ZSWIM5: variants seen among roughly 807,000 people sequenced by gnomAD.
ZSWIM5 encodes the protein zinc finger SWIM-type containing 5.
Under a neutral mutation model 119.6 loss-of-function variants are expected in ZSWIM5, and 55 were observed. That is an observed-to-expected ratio of 0.46 (90% CI 0.37 to 0.58). The LOEUF (loss-of-function observed/expected upper bound fraction) is 0.58, where lower values mean the gene tolerates loss of function less well. Ranked by LOEUF, ZSWIM5 falls within the 20% of genes least tolerant of loss-of-function variation. The pLI is 0.00. For missense variants in ZSWIM5, 1,193 were observed against 1,512.8 expected (o/e 0.79, Z 3.51); for synonymous variants, 537 against 606.9 (o/e 0.88, Z 1.69).
chr1:45,198,579 C>T (rs1372664769), intron 1 of ZSWIM5, among the ~76,000 whole-genome samples: 7 of 151,894 alleles, frequency 4.6e-5, no homozygotes, highest in African/African-American at 1.7e-4. Context: ...TCCACCACAA[C>T]AATGTTCCTG....
chr1:45,198,467 G>T (rs1646138723), intron 1 of ZSWIM5, among the ~76,000 whole-genome samples: 1 of 152,100 alleles, frequency 6.6e-6, no homozygotes, highest in African/African-American at 2.4e-5. Context: ...CTTTCCGGAG[G>T]GACAAAGAAT....
chr1:45,073,008 G>A (rs940957794), intron 2 of ZSWIM5, among the ~76,000 whole-genome samples: 1 of 151,928 alleles, frequency 6.6e-6, no homozygotes, highest in Non-Finnish European at 1.5e-5. Context: ...TCTGTAGATT[G>A]AGTAGTATGA....
chr1:45,190,774 A>C (rs566016553), intron 1 of ZSWIM5, among the ~76,000 whole-genome samples: 37 of 152,234 alleles, frequency 2.4e-4, no homozygotes, highest in African/African-American at 8.4e-4. Context: ...CTAGGGATCA[A>C]CATCTGTGAA....
intron 2 of ZSWIM5, among the ~76,000 whole-genome samples, chr1:45,079,651 C>T (rs979208013): frequency 3.3e-5 from 5 of 151,776 alleles, no homozygotes; most frequent in African/African-American, 1.2e-4. Context: ...AGACAAAGTC[C>T]CCTTTGCTTT....
chr1:45,068,575 G>A (rs773662816), intron 2 of ZSWIM5, among the ~76,000 whole-genome samples: 16 of 151,674 alleles, frequency 1.1e-4, no homozygotes, highest in Non-Finnish European at 1.9e-4. Flanking sequence ...AGGACATGAA[G>A]GTGTTCTCTT....
intron 1 of ZSWIM5, among the ~76,000 whole-genome samples, chr1:45,120,948 C>T (rs1645587504): frequency 6.6e-6 from 1 of 151,934 alleles, no homozygotes; most frequent in African/African-American, 2.4e-5. Context: ...GATCCTATCA[C>T]TTTTCATCTT....
intron 1 of ZSWIM5, among the ~76,000 whole-genome samples, chr1:45,158,240 C>T (rs1570161803): frequency 1.3e-5 from 2 of 152,144 alleles, no homozygotes; most frequent in Non-Finnish European, 2.9e-5. Flanking sequence ...TCTCGGCTTG[C>T]TCACTGCAAC....
At chr1:45,039,821 C>T (rs2148993185) in intron 7 of ZSWIM5, among the ~76,000 whole-genome samples, 1 of 152,210 alleles carries the variant, frequency 6.6e-6, no homozygotes, top group East Asian at 1.9e-4. Context: ...TCTTCTGCCT[C>T]AGCCTCCCAA....
At chr1:45,156,736 AAAG>A (rs990246036) in intron 1 of ZSWIM5, among the ~76,000 whole-genome samples, 2 of 151,644 alleles carry the variant, frequency 1.3e-5, no homozygotes, top group African/African-American at 4.9e-5. Context: ...AAAAAAAAAA[AAAG>A]AACACACTGC....
intron 1 of ZSWIM5, among the ~76,000 whole-genome samples, chr1:45,193,593 T>C (rs1390960593): frequency 2.6e-5 from 4 of 152,056 alleles, no homozygotes; most frequent in Non-Finnish European, 5.9e-5. Context: ...AATCATGAGG[T>C]CACTAGCGAC....
chr1:45,057,808 G>A lies in ZSWIM5; in HGVS notation c.1252+801C>T, dbSNP rs1226604175. ...CACAGAGGACTGCCTTGATGAGGGA[G>A]AACCTAGAACAGTGAGGCCATTAGA... On this transcript the variant is annotated intron_variant, in intron 4 of 13. Coordinates refer to ENST00000359600, the MANE Select transcript of ZSWIM5 (RefSeq NM_020883.2). This position sits in a 1 kb window ranked among gnomAD's most constrained non-coding sequence, Gnocchi z 4.7. Among the ~76,000 whole-genome samples the A allele has an allele frequency of 1.3e-5, 2 of 152,166 alleles. No homozygotes were observed. Among genetic ancestry groups the A allele is most frequent in the Non-Finnish European group, 2.9e-5 (2 of 68,026 alleles).
At position 45,019,355 on chromosome 1, in the gene ZSWIM5, G is replaced by T; in HGVS notation, c.2696-39C>A. 1 of 1,582,140 alleles carries T rather than the reference G, an allele frequency of 6.3e-7. No individual in the cohort carries two copies. Among genetic ancestry groups the T allele is most frequent in the Non-Finnish European group, 8.6e-7 (1 of 1,167,852 alleles). On this transcript the variant is annotated intron_variant, in intron 13 of 13. Coordinates refer to ENST00000359600, the MANE Select transcript of ZSWIM5 (RefSeq NM_020883.2). The surrounding 1 kb of genome is among the most constrained non-coding windows in gnomAD (Gnocchi z 5.0). ...CCTGAGCTCAGCCGTGGCCATCTGG[G>T]TCCTGATTCAGGTCTACCCAGATTA...
rs774739657 is a variant in ZSWIM5 at position 45,018,893 on chromosome 1, T to C, written c.3119A>G (p.Asn1040Ser). Residue 1040 changes from asparagine (N) to serine (S), a missense_variant, in exon 14 of 14, where the codon AAT (asparagine) becomes AGT (serine). Asn to Ser is a conservative substitution (Grantham distance 46). This residue lies in a region of ZSWIM5 where 961 missense variants were observed against 1,290.0 expected (regional missense o/e 0.74). Transcript: ENST00000359600. This position sits in a 1 kb window ranked among gnomAD's most constrained non-coding sequence, Gnocchi z 6.7. ...AYNQDTHPAI[N>S]DVLWACALSH... ...GAGAGCACAAGCCCAGAGCACATCA[T>C]TGATGGCTGGGTGAGTATCCTGGTT... The C allele has an allele frequency of 1.8e-5, 29 of 1,614,094 alleles. No individual in the cohort carries two copies. Among genetic ancestry groups the C allele is most frequent in the African/African-American group, 1.1e-4 (8 of 74,924 alleles).
At chr1:45,197,682 T>G (rs1301427518) in intron 1 of ZSWIM5, among the ~76,000 whole-genome samples, 1 of 152,246 alleles carries the variant, frequency 6.6e-6, no homozygotes, top group East Asian at 1.9e-4. Flanking sequence ...AAATGAGTAT[T>G]ATAAAAAAAC....
intron 2 of ZSWIM5, among the ~76,000 whole-genome samples, chr1:45,077,364 T>A (rs61788386): frequency 0.069 from 10,443 of 152,128 alleles, 444 homozygotes; most frequent in Non-Finnish European, 0.1. Context: ...GGGGGAGATA[T>A]CACACGTTGG....
chr1:45,115,386 C>G (rs1481239213), intron 1 of ZSWIM5, among the ~76,000 whole-genome samples: 1 of 150,824 alleles, frequency 6.6e-6, no homozygotes, highest in African/African-American at 2.4e-5. Context: ...CCAGACTGGG[C>G]GGCTGCTGGG....
intron 1 of ZSWIM5, among the ~76,000 whole-genome samples, chr1:45,162,987 G>A (rs1470705427): frequency 6.6e-6 from 1 of 152,210 alleles, no homozygotes. Context: ...CTCCCAGCAT[G>A]GAGTTTGAGA....
At chr1:45,073,351 T>C (rs1645236354) in intron 2 of ZSWIM5, among the ~76,000 whole-genome samples, 1 of 141,942 alleles carries the variant, frequency 7.0e-6, no homozygotes, top group African/African-American at 2.7e-5. Context: ...CTCTGCCTCC[T>C]GGGTTCAAGC....
chr1:45,138,526 A>G (rs1051978178), intron 1 of ZSWIM5, among the ~76,000 whole-genome samples: 1 of 149,106 alleles, frequency 6.7e-6, no homozygotes, highest in African/African-American at 2.4e-5. Context: ...AAAAAAAAAG[A>G]AAGGAAGAAA....
Sources: gnomAD v4.1 joint callset for allele counts (sites outside exome capture counted in the v4.1 genomes callset) on GRCh38, gnomAD v4.1.1 for gene constraint, gnomAD v4.1.1 regional missense constraint, Gnocchi (gnomAD v3.1) non-coding constraint, MANE v1.5 for transcripts, NCBI Gene and HGNC (gene_info 2026-07-23, HGNC 2026-07-21) for gene names.